Variants in PTPRG observed in about 807,000 individuals in gnomAD.
PTPRG encodes receptor-type tyrosine-protein phosphatase gamma.
PTPRG carries 102 observed loss-of-function variants against 165.3 expected under a neutral mutation model. That is an observed-to-expected ratio of 0.62 (90% confidence interval 0.53 to 0.73). The LOEUF (loss-of-function observed/expected upper bound fraction) is 0.73, where lower values mean the gene tolerates loss of function less well. Among genes scored for constraint, PTPRG ranks in the 30% least tolerant of loss-of-function variants. The pLI is 0.00. For synonymous variants in PTPRG, 675 were observed against 669.5 expected, an observed-to-expected ratio of 1.01 and a Z score of -0.13; for missense variants, 1,866 against 1,861.4, an observed-to-expected ratio of 1.00 and a Z score of -0.05.
At chr3:61,693,864 C>G (rs896355245) in intron 1 of PTPRG, among the ~76,000 whole-genome samples, 4 of 151,846 alleles carry the variant, frequency 2.6e-5, no homozygotes, top group Non-Finnish European at 5.9e-5. Context: ...AAAAATTAGC[C>G]AGGCATGGCA....
chr3:62,230,748 C>T (rs1700884024), intron 13 of PTPRG, among the ~76,000 whole-genome samples: 1 of 152,184 alleles, frequency 6.6e-6, no homozygotes, highest in Admixed American at 6.5e-5. Context: ...GAGAGGAAAG[C>T]ATGGGGTAAA....
At chr3:61,936,285 C>A (rs1415713715) in intron 2 of PTPRG, among the ~76,000 whole-genome samples, 1 of 152,192 alleles carries the variant, frequency 6.6e-6, no homozygotes, top group Non-Finnish European at 1.5e-5. Context: ...CCCTGTGGGA[C>A]AGGTACTAGT....
intron 1 of PTPRG, among the ~76,000 whole-genome samples, chr3:61,580,193 G>A (rs768458556): frequency 8.5e-5 from 13 of 152,184 alleles, no homozygotes; most frequent in Admixed American, 2.0e-4. Flanking sequence ...TGTAATCCCA[G>A]CTACTCTGGA....
At chr3:61,978,073 A>G (rs923677989) in intron 2 of PTPRG, among the ~76,000 whole-genome samples, 4 of 152,142 alleles carry the variant, frequency 2.6e-5, no homozygotes, top group African/African-American at 7.2e-5. Flanking sequence ...GCTGTTCTCA[A>G]ACTCCTGACC....
intron 1 of PTPRG, chr3:61,739,229 C>T (rs1408019866): frequency 6.6e-6 from 1 of 151,794 alleles, no homozygotes; most frequent in Non-Finnish European, 1.5e-5. Flanking sequence ...TTGGAAGTGA[C>T]TTTCTTATTT....
chr3:62,246,734 A>G (rs1701296639), intron 15 of PTPRG, among the ~76,000 whole-genome samples: 1 of 152,162 alleles, frequency 6.6e-6, no homozygotes, highest in Admixed American at 6.6e-5. Flanking sequence ...TTCTAAAAAT[A>G]ATACGAGATT....
At chr3:62,124,570 GT>G in intron 5 of PTPRG, 1 of 1,344,572 alleles carries the variant, frequency 7.4e-7, no homozygotes, top group Non-Finnish European at 1.1e-6. Context: ...CCAACAGGCT[GT>G]TTTTCCTAAT....
chr3:61,611,296 G>A (rs762277640), intron 1 of PTPRG, among the ~76,000 whole-genome samples: 1 of 152,176 alleles, frequency 6.6e-6, no homozygotes, highest in Non-Finnish European at 1.5e-5. Context: ...GGAATAAGGT[G>A]AATAACCATC....
intron 2 of PTPRG, among the ~76,000 whole-genome samples, chr3:61,974,562 AT>A (rs35145176): frequency 5.9e-5 from 3 of 51,208 alleles, no homozygotes; most frequent in Admixed American, 1.5e-4. Context: ...TAAAAAAAAA[AT>A]TTTTTTTTAA....
chr3:62,238,641 C>T (rs1466855613), intron 14 of PTPRG, among the ~76,000 whole-genome samples: 1 of 152,020 alleles, frequency 6.6e-6, no homozygotes, highest in Non-Finnish European at 1.5e-5. Context: ...TATATATACC[C>T]CACCCTGCAC....
intron 10 of PTPRG, among the ~76,000 whole-genome samples, chr3:62,196,931 A>G (rs1454097839): frequency 3.3e-5 from 5 of 152,188 alleles, no homozygotes; most frequent in African/African-American, 4.8e-5. Flanking sequence ...TGGAAGCCTC[A>G]TTTGAGAAGT....
chr3:61,942,243 G>C (rs979489740), intron 2 of PTPRG, among the ~76,000 whole-genome samples: 4 of 151,814 alleles, frequency 2.6e-5, no homozygotes, highest in African/African-American at 9.7e-5. Context: ...CCCTTTACCT[G>C]GGTGCTCTCC....
chr3:61,838,495 A>C (rs912918843), intron 2 of PTPRG, among the ~76,000 whole-genome samples: 3 of 152,182 alleles, frequency 2.0e-5, no homozygotes, highest in Non-Finnish European at 2.9e-5. Flanking sequence ...CCACAATGTG[A>C]TATTTTGGCC....
rs143438697 is a variant in PTPRG at position 61,708,410 on chromosome 3, T to C, written c.86-40468T>C. On this transcript the variant is annotated intron_variant, in intron 1 of 29. Transcript: ENST00000474889. ...ATCATTAGCTCACCAAAACTTCTTA[T>C]ATCTTCCCTAATGAACTGGGCTCTC... Among the ~76,000 whole-genome samples the C allele has an allele frequency of 2.0e-5, 3 of 150,644 alleles. No individual in the cohort carries two copies. In the East Asian group the frequency reaches 5.9e-4, roughly 29 times the overall value.
intron 7 of PTPRG, among the ~76,000 whole-genome samples, chr3:62,166,624 C>G (rs1209453536): frequency 6.6e-6 from 1 of 152,014 alleles, no homozygotes; most frequent in Admixed American, 6.5e-5. Flanking sequence ...GCATGAGCCA[C>G]CGGGCCTGGC....
At chr3:61,816,861 T>G (rs1451709684) in intron 2 of PTPRG, among the ~76,000 whole-genome samples, 2 of 150,736 alleles carry the variant, frequency 1.3e-5, no homozygotes, top group Non-Finnish European at 2.9e-5. Flanking sequence ...AAAGTTTCAG[T>G]TGAAAATTTG....
intron 8 of PTPRG, among the ~76,000 whole-genome samples, chr3:62,168,668 G>A (rs527374069): frequency 6.6e-6 from 1 of 152,328 alleles, no homozygotes; most frequent in East Asian, 1.9e-4. Context: ...AGGTGCAGGA[G>A]CCAGGGTGAG....
intron 3 of PTPRG, 114 bp downstream of exon 3, chr3:61,989,918 G>C: frequency 8.9e-7 from 1 of 1,119,260 alleles, no homozygotes; most frequent in Non-Finnish European, 1.3e-6. Context: ...GCTGTGGGGA[G>C]CCTAAATCAG....
intron 4 of PTPRG, among the ~76,000 whole-genome samples, chr3:62,011,594 C>CAT (rs2041424095): frequency 2.0e-5 from 3 of 151,500 alleles, no homozygotes; most frequent in African/African-American, 7.4e-5. Context: ...ATAAAGATTC[C>CAT]ATTTCAGAGC....
Sources: allele counts gnomAD v4.1 joint callset (sites outside exome capture counted in the v4.1 genomes callset), GRCh38; gene constraint gnomAD v4.1.1; transcripts MANE v1.5; gene names NCBI Gene and HGNC (gene_info 2026-07-23, HGNC 2026-07-21).